Variants in SOX5 observed in about 807,000 individuals in gnomAD.
SOX5 encodes transcription factor SOX-5.
A neutral mutation model predicts 92.0 loss-of-function variants in SOX5; 9 were observed. The observed-to-expected ratio is 0.10, with a 90% CI of 0.06 to 0.17. The LOEUF (loss-of-function observed/expected upper bound fraction) is 0.17. SOX5 is among the 10% of genes least tolerant of loss of function. SOX5 has a pLI of 1.00. For synonymous variants in SOX5, 344 were observed against 336.3 expected (o/e 1.02, Z -0.25); for missense variants, 642 against 944.5 (o/e 0.68, Z 4.20).
At chr12:24,446,986 G>A (rs909621756) in intron 1 of SOX5, among the ~76,000 whole-genome samples, 10 of 152,204 alleles carry the variant, frequency 6.6e-5, no homozygotes, top group South Asian at 2.1e-4. Context: ...CATAATCCAA[G>A]GATCAAACAA....
intron 4 of SOX5, among the ~76,000 whole-genome samples, chr12:24,003,296 G>A (rs151007229): frequency 2.7e-4 from 41 of 152,012 alleles, no homozygotes; most frequent in Non-Finnish European, 4.7e-4. Flanking sequence ...TGTACTGGAG[G>A]TTCTAGCCAG....
chr12:24,286,971 A>G (rs1945944663), intron 2 of SOX5, among the ~76,000 whole-genome samples: 1 of 152,208 alleles, frequency 6.6e-6, no homozygotes, highest in South Asian at 2.1e-4. Context: ...GAGACTGACT[A>G]CAGAACCATC....
At chr12:24,238,354 A>G (rs1717439454) in intron 3 of SOX5, among the ~76,000 whole-genome samples, 1 of 152,104 alleles carries the variant, frequency 6.6e-6, no homozygotes, top group Non-Finnish European at 1.5e-5. Flanking sequence ...ACTTCACAAG[A>G]GTAGTTTTTT....
intron 2 of SOX5, among the ~76,000 whole-genome samples, chr12:24,330,121 T>A (rs958967621): frequency 1.3e-5 from 2 of 151,028 alleles, no homozygotes; most frequent in Non-Finnish European, 3.0e-5. Context: ...GAAGAAAACA[T>A]AAAATAAGAA....
chr12:24,405,498 C>T (rs568537759), intron 1 of SOX5, among the ~76,000 whole-genome samples: 1 of 152,150 alleles, frequency 6.6e-6, no homozygotes, highest in East Asian at 1.9e-4. Context: ...TGATTCCCGC[C>T]CATAGAAAAC....
chr12:23,863,793 TACACACACACAC>T (rs71059936), intron 2 of SOX5, among the ~76,000 whole-genome samples: 17,816 of 145,760 alleles, frequency 0.12, 1,190 homozygotes, highest in Non-Finnish European at 0.16. Flanking sequence ...TTAAACACAC[TACACACACACAC>T]ACACACACAC....
chr12:23,973,518 A>G (rs966513285), intron 4 of SOX5, among the ~76,000 whole-genome samples: 2 of 152,200 alleles, frequency 1.3e-5, no homozygotes, highest in Admixed American at 6.5e-5. Context: ...TATACAAAAC[A>G]GAATACTATA....
At chr12:24,066,152 T>C (rs1940703679) in intron 4 of SOX5, among the ~76,000 whole-genome samples, 1 of 152,216 alleles carries the variant, frequency 6.6e-6, no homozygotes, top group African/African-American at 2.4e-5. Flanking sequence ...ATGAACCAAC[T>C]ATATATAAAT....
chr12:23,652,762 T>C (rs538498807), intron 7 of SOX5, among the ~76,000 whole-genome samples: 1 of 152,022 alleles, frequency 6.6e-6, no homozygotes, highest in Non-Finnish European at 1.5e-5. Flanking sequence ...TAGGTCTACA[T>C]GTCTTTCTAT....
intron 14 of SOX5, among the ~76,000 whole-genome samples, chr12:23,536,192 GAAAACTTC>G (rs1940397183): frequency 6.6e-6 from 1 of 152,156 alleles, no homozygotes; most frequent in Non-Finnish European, 1.5e-5. Context: ...GTTTTTAATA[GAAAACTTC>G]AAAATCATTT....
rs140893725 is a variant in SOX5 at position 23,530,798 on chromosome 12, AGTGTGTGT to A, written c.*3413_*3420del. The A allele has an allele frequency of 2.7e-5, 3 of 109,472 alleles. No individual in the cohort carries two copies. The highest frequency in any genetic ancestry group is 9.4e-5 in the African/African-American group (3 of 32,082). 6.8% of individuals were successfully genotyped at this position (109,472 alleles called of 1,614,324 possible). A position where few individuals can be genotyped will look rare whatever the true frequency, so the allele number is the denominator to read the frequency against. On this transcript the variant is annotated 3_prime_UTR_variant, in exon 15 of 15. Transcript: ENST00000451604. The stretch of plus-strand genomic sequence containing the variant: ...AAGATTATTTCTCAGTGTTGGGGCA[AGTGTGTGT>A]GTGTGTGTGTGTGCGCGCGCGCGCG...
At chr12:23,607,761 T>A (rs2075422192) in intron 8 of SOX5, among the ~76,000 whole-genome samples, 2 of 152,156 alleles carry the variant, frequency 1.3e-5, no homozygotes, top group Admixed American at 6.5e-5. Context: ...AACAAGCACC[T>A]GGAGAACTAT....
At chr12:23,567,495 G>A (rs527245970) in intron 10 of SOX5, among the ~76,000 whole-genome samples, 1 of 131,002 alleles carries the variant, frequency 7.6e-6, no homozygotes, top group South Asian at 2.4e-4. Context: ...TTGAAACAAG[G>A]TCTCACCCAG....
chr12:23,533,686 A>G lies in SOX5; in HGVS notation c.*533T>C, dbSNP rs998956346. On this transcript the variant is annotated 3_prime_UTR_variant, in exon 15 of 15. Coordinates refer to ENST00000451604, the MANE Select transcript of SOX5 (RefSeq NM_006940.6). ...GGTGGAGAGAAGTAAAGAGAAATTC[A>G]TTTTTCTTTTTTTTCTGTCAGGTGC... 3.3e-5 allele frequency: 5 copies of G among 152,278 alleles called. No individual in the cohort carries two copies. The highest frequency in any genetic ancestry group is 1.2e-4 in the African/African-American group (5 of 41,384). The allele number at this position is 152,278 out of a possible 1,614,324, so 9.4% of individuals were successfully genotyped here.
rs1943482427 is a variant in SOX5, at chr12:23,940,763, C to CACACAA, written c.38+8800_38+8801insTTGTGT. On this transcript the variant is annotated intron_variant, in intron 1 of 14. Coordinates refer to ENST00000451604, the MANE Select transcript of SOX5 (RefSeq NM_006940.6). ...TAAGTATTACACACACACACACACA[C>CACACAA]ACACACACACACACACACACAAACT... Among the ~76,000 whole-genome samples the CACACAA allele has an allele frequency of 2.0e-5, 3 of 150,726 alleles. No individual in the cohort carries two copies. In the South Asian group the frequency reaches 6.3e-4, roughly 31 times the overall value.
At chr12:24,025,610 G>T (rs927675227) in intron 4 of SOX5, among the ~76,000 whole-genome samples, 8 of 151,914 alleles carry the variant, frequency 5.3e-5, no homozygotes, top group Admixed American at 2.6e-4. Context: ...CCTATCTAGT[G>T]GTACCTAATG....
intron 1 of SOX5, among the ~76,000 whole-genome samples, chr12:24,442,265 A>C (rs573416440): frequency 1.2e-4 from 19 of 152,316 alleles, no homozygotes; most frequent in Non-Finnish European, 2.6e-4. Flanking sequence ...TTCCATGTAG[A>C]TTATGTCCTC....
chr12:24,033,345 A>T (rs1321341781), intron 4 of SOX5, among the ~76,000 whole-genome samples: 1 of 152,012 alleles, frequency 6.6e-6, no homozygotes, highest in Non-Finnish European at 1.5e-5. Context: ...ATTTGTCAAA[A>T]TAAGTTTTCA....
At chr12:24,223,491 C>T (rs1294143957) in intron 3 of SOX5, among the ~76,000 whole-genome samples, 1 of 152,200 alleles carries the variant, frequency 6.6e-6, no homozygotes, top group Non-Finnish European at 1.5e-5. Flanking sequence ...CAGTGGCTCA[C>T]ACCTGTAATC....
Sources: gnomAD v4.1 joint callset for allele counts (sites outside exome capture counted in the v4.1 genomes callset) on GRCh38, gnomAD v4.1.1 for gene constraint, MANE v1.5 for transcripts, NCBI Gene and HGNC (gene_info 2026-07-23, HGNC 2026-07-21) for gene names.